ATF1: variants seen among roughly 807,000 people sequenced by gnomAD.
The protein encoded by ATF1 is activating transcription factor 1.
In ATF1, 16 loss-of-function variants were observed where a neutral mutation model predicts 34.7. That is an observed-to-expected ratio of 0.46 (90% confidence interval 0.31 to 0.70). The LOEUF is 0.70. Ranked by LOEUF, ATF1 falls within the 30% of genes least tolerant of loss-of-function variation. ATF1 has a pLI of 0.05. For synonymous variants in ATF1, 105 were observed against 113.1 expected (o/e 0.93, Z 0.46); for missense variants, 255 against 321.6 (o/e 0.79, Z 1.58).
chr12:50,797,500 C>T (rs975394293), intron 3 of ATF1, among the ~76,000 whole-genome samples: 12 of 152,072 alleles, frequency 7.9e-5, no homozygotes, highest in Non-Finnish European at 7.4e-5. Flanking sequence ...TTTTTTGAGA[C>T]GGAGGTCTCA....
intron 1 of ATF1, among the ~76,000 whole-genome samples, chr12:50,779,827 CCTAGA>C (rs1322836791): frequency 4.6e-5 from 7 of 152,040 alleles, no homozygotes; most frequent in African/African-American, 7.3e-5. Flanking sequence ...TAGAAACTTC[CCTAGA>C]CTAGAGACAG....
chr12:50,811,289 AGT>A (rs1941732025), intron 4 of ATF1, among the ~76,000 whole-genome samples: 1 of 152,168 alleles, frequency 6.6e-6, no homozygotes, highest in Non-Finnish European at 1.5e-5. Flanking sequence ...AGTACATATT[AGT>A]TTAATTATAG....
intron 2 of ATF1, among the ~76,000 whole-genome samples, chr12:50,782,301 G>T (rs1246333911): frequency 1.3e-5 from 2 of 151,616 alleles, no homozygotes; most frequent in Non-Finnish European, 2.9e-5. Flanking sequence ...TGTCGCCCAG[G>T]CTGGAGTGCA....
chr12:50,820,172 A>ATG lies in ATF1; in HGVS notation c.*394_*395insGT, dbSNP rs1419998610. ...GAAATTTACCTTTTTTTAGTTATAT[A>ATG]TATGTGTGTGTGTGTGTGTAATTTC... On this transcript the variant is annotated 3_prime_UTR_variant, in exon 7 of 7. Transcript: ENST00000262053. The ATG allele has an allele frequency of 3.6e-5, 8 of 221,036 alleles. No homozygotes were observed. The highest frequency in any genetic ancestry group is 7.2e-5 in the Non-Finnish European group (8 of 110,902). The allele number at this position is 221,036 out of a possible 1,614,324, so 13.7% of individuals were successfully genotyped here. A position where few individuals can be genotyped will look rare whatever the true frequency, so the allele number is the denominator to read the frequency against.
chr12:50,773,444 C>CTTTTTTTTTTTTTTTTTTTTTTTT (rs71086476), intron 1 of ATF1, among the ~76,000 whole-genome samples: 2 of 89,568 alleles, frequency 2.2e-5, no homozygotes, highest in African/African-American at 4.5e-5. Context: ...AATTGCCATT[C>CTTTTTTTTTTTTTTTTTTTTTTTT]TTTTTTTTTT....
intron 3 of ATF1, among the ~76,000 whole-genome samples, chr12:50,808,212 A>G (rs1444589588): frequency 6.6e-6 from 1 of 152,096 alleles, no homozygotes; most frequent in African/African-American, 2.4e-5. Context: ...TACCCATGGG[A>G]TCATATTTAC....
chr12:50,817,855 G>T (rs1941874410), intron 6 of ATF1, among the ~76,000 whole-genome samples: 1 of 152,144 alleles, frequency 6.6e-6, no homozygotes, highest in African/African-American at 2.4e-5. Flanking sequence ...TGCATAATGA[G>T]GGAAATGTTA....
At chr12:50,778,500 G>A (rs976352827) in intron 1 of ATF1, among the ~76,000 whole-genome samples, 3 of 152,032 alleles carry the variant, frequency 2.0e-5, no homozygotes, top group Admixed American at 2.0e-4. Context: ...TGAGATTACA[G>A]GCGTGAGCCA....
Position 50,804,052 on chromosome 12 carries a change from T to G in ATF1, c.195-5404T>G, listed in dbSNP as rs545411085. On this transcript the variant is annotated intron_variant, in intron 3 of 6. Transcript: ENST00000262053. ...GGTGGTTGCACAACTGTTAATATAC[T>G]AAAAACACTGAATTGTATGCTTAAA... 2.0e-5 allele frequency among the ~76,000 whole-genome samples: 3 copies of G among 152,316 alleles called. No homozygotes were observed. In the East Asian group the frequency reaches 5.8e-4, roughly 29 times the overall value.
chr12:50,801,232 G>A (rs925290650), intron 3 of ATF1, among the ~76,000 whole-genome samples: 1 of 152,006 alleles, frequency 6.6e-6, no homozygotes, highest in Admixed American at 6.6e-5. Flanking sequence ...TGGTGGTAAG[G>A]TTTCTACATT....
At chr12:50,793,294 A>G (rs1941342033) in intron 2 of ATF1, among the ~76,000 whole-genome samples, 1 of 152,174 alleles carries the variant, frequency 6.6e-6, no homozygotes, top group African/African-American at 2.4e-5. Context: ...GAGTAAGCTT[A>G]GGAACAGACA....
At chr12:50,771,965 C>T (rs984857954) in intron 1 of ATF1, among the ~76,000 whole-genome samples, 7 of 152,194 alleles carry the variant, frequency 4.6e-5, no homozygotes, top group Non-Finnish European at 8.8e-5. Context: ...ATATCATCGA[C>T]AAATAACCAT....
At chr12:50,798,523 A>G (rs1052401372) in intron 3 of ATF1, among the ~76,000 whole-genome samples, 1 of 151,934 alleles carries the variant, frequency 6.6e-6, no homozygotes, top group Non-Finnish European at 1.5e-5. Context: ...GTTAGCCATG[A>G]TGGTCTCAAT....
chr12:50,807,776 T>G (rs943726696), intron 3 of ATF1, among the ~76,000 whole-genome samples: 2 of 151,626 alleles, frequency 1.3e-5, no homozygotes, highest in African/African-American at 4.8e-5. Context: ...TTGCCTACTC[T>G]TTCCTCTACC....
intron 2 of ATF1, among the ~76,000 whole-genome samples, chr12:50,793,976 A>C (rs1226883259): frequency 6.6e-6 from 1 of 151,250 alleles, no homozygotes; most frequent in Non-Finnish European, 1.5e-5. Context: ...TTTGAGCGGG[A>C]GCCTCGCTGT....
At position 50,795,973 on chromosome 12, in the gene ATF1, A is replaced by G. The variant is rs1162009096; in HGVS notation, c.158A>G (p.Lys53Arg). ...TCCGACAGCATAGGCTCCTCACAGA[A>G]AGCCCACGGGATCCTAGCACGGCGC... ...DSSDSIGSSQ[K>R]AHGILARRPS... The change falls in exon 3 of 7, where the codon AAA (lysine) becomes AGA (arginine). Residue 53 changes from lysine (K) to arginine (R), a missense_variant. Around this residue, in one of 2 missense-constraint regions of ATF1, gnomAD observed 221 missense variants for 250.7 expected, o/e 0.88. Transcript: ENST00000262053. 6 of 1,612,866 alleles carry G rather than the reference A, an allele frequency of 3.7e-6. No homozygotes were observed. The highest frequency in any genetic ancestry group is 5.1e-6 in the Non-Finnish European group (6 of 1,179,760).
At chr12:50,763,933 C>T (rs956379325), upstream of ATF1, 3 of 152,280 alleles carry the variant, frequency 2.0e-5, no homozygotes, top group African/African-American at 7.2e-5. Flanking sequence ...AAGTCAGGAC[C>T]GCGTACAAGA....
At chr12:50,767,576 C>G (rs1458446310) in intron 1 of ATF1, among the ~76,000 whole-genome samples, 1 of 152,180 alleles carries the variant, frequency 6.6e-6, no homozygotes, top group African/African-American at 2.4e-5. Context: ...GATGACCCAG[C>G]AAGCTGGTCA....
chr12:50,798,310 G>T (rs1414478093), intron 3 of ATF1, among the ~76,000 whole-genome samples: 6 of 151,618 alleles, frequency 4.0e-5, no homozygotes, highest in Non-Finnish European at 4.4e-5. Context: ...TAGTTTCATG[G>T]TTGTTGTTTT....
Sources: gnomAD v4.1 joint callset for allele counts (sites outside exome capture counted in the v4.1 genomes callset) on GRCh38, gnomAD v4.1.1 for gene constraint, gnomAD v4.1.1 regional missense constraint, MANE v1.5 for transcripts, NCBI Gene and HGNC (gene_info 2026-07-23, HGNC 2026-07-21) for gene names.